Variants in CHRM3 observed in about 807,000 individuals in gnomAD.
The protein encoded by CHRM3 is muscarinic acetylcholine receptor M3.
Under a neutral mutation model 41.8 loss-of-function variants are expected in CHRM3, and 11 were observed. That is an observed-to-expected ratio of 0.26 (90% CI 0.17 to 0.44). The LOEUF is 0.44. Ranked by LOEUF, CHRM3 falls within the 20% of genes least tolerant of loss-of-function variation. CHRM3 has a pLI of 1.00. For synonymous variants in CHRM3, 297 were observed against 301.4 expected (o/e 0.99, Z 0.15); for missense variants, 571 against 745.4 (o/e 0.77, Z 2.72).
intron 5 of CHRM3, among the ~76,000 whole-genome samples, chr1:239,792,735 A>G (rs572980535): frequency 4.4e-4 from 67 of 152,348 alleles, no homozygotes; most frequent in African/African-American, 1.5e-3. Context: ...GTTCTTGCCA[A>G]GATCATTGAA....
chr1:239,848,910 A>G (rs1045243645), intron 6 of CHRM3, among the ~76,000 whole-genome samples: 6 of 152,296 alleles, frequency 3.9e-5, no homozygotes, highest in Non-Finnish European at 7.4e-5. Context: ...TCTTGGTCCT[A>G]TAGGATTAAA....
Position 239,890,295 on chromosome 1 carries a change from C to T in CHRM3, c.-19-17138C>T, listed in dbSNP as rs143528876. The stretch of plus-strand genomic sequence containing the variant: ...AGAGGAGGCAGAGGTTGTGGTGAGC[C>T]GAAATCATGCCATTGCACTCCAGCC... On this transcript the variant is annotated intron_variant, in intron 6 of 6. Coordinates refer to ENST00000676153, the MANE Select transcript of CHRM3 (RefSeq NM_001375978.1). Among the ~76,000 whole-genome samples, 287 of 151,212 alleles carry T rather than the reference C, an allele frequency of 1.9e-3. 1 individual carries two copies. Among genetic ancestry groups the T allele is most frequent in the African/African-American group, 6.6e-3 (270 of 41,148 alleles).
intron 6 of CHRM3, among the ~76,000 whole-genome samples, chr1:239,870,640 G>T (rs1013825790): frequency 6.6e-6 from 1 of 152,040 alleles, no homozygotes; most frequent in Non-Finnish European, 1.5e-5. Flanking sequence ...GGAAACAAAA[G>T]TACCTCCTCT....
At chr1:239,470,594 C>T (rs1251300314) in intron 1 of CHRM3, among the ~76,000 whole-genome samples, 1 of 152,134 alleles carries the variant, frequency 6.6e-6, no homozygotes, top group Non-Finnish European at 1.5e-5. Context: ...AGGAGGGAAC[C>T]AGTTAAACAA....
At chr1:239,764,932 G>A (rs1241105276) in intron 5 of CHRM3, among the ~76,000 whole-genome samples, 3 of 152,216 alleles carry the variant, frequency 2.0e-5, no homozygotes, top group African/African-American at 7.2e-5. Context: ...CAGTTGACTG[G>A]CCTCCACTGA....
intron 6 of CHRM3, among the ~76,000 whole-genome samples, chr1:239,857,249 A>G (rs1675194955): frequency 6.6e-6 from 1 of 152,184 alleles, no homozygotes; most frequent in Admixed American, 6.5e-5. Flanking sequence ...CTCAATATTT[A>G]TAAGGGAAAT....
intron 2 of CHRM3, among the ~76,000 whole-genome samples, chr1:239,494,150 A>C (rs1302891329): frequency 6.6e-6 from 1 of 152,186 alleles, no homozygotes; most frequent in African/African-American, 2.4e-5. Flanking sequence ...AGAAGTGGCA[A>C]CTTCTGGGTC....
chr1:239,785,189 A>G (rs576605633), intron 5 of CHRM3, among the ~76,000 whole-genome samples: 2 of 152,272 alleles, frequency 1.3e-5, no homozygotes, highest in African/African-American at 4.8e-5. Flanking sequence ...AAGCCTTCCA[A>G]CCACTGCAGT....
intron 6 of CHRM3, among the ~76,000 whole-genome samples, chr1:239,844,780 G>A (rs1286880787): frequency 2.6e-5 from 4 of 152,150 alleles, no homozygotes; most frequent in African/African-American, 9.7e-5. Context: ...TGAATTATTG[G>A]TGAGTAAGTG....
At chr1:239,502,274 A>G (rs538503661) in intron 2 of CHRM3, among the ~76,000 whole-genome samples, 2 of 152,316 alleles carry the variant, frequency 1.3e-5, no homozygotes, top group Non-Finnish European at 2.9e-5. Context: ...CCACAGAAAT[A>G]CAAAGCATCA....
At chr1:239,561,315 C>T (rs73120634) in intron 3 of CHRM3, among the ~76,000 whole-genome samples, 1,838 of 151,566 alleles carry the variant, frequency 0.012, 36 homozygotes, top group African/African-American at 0.042. Flanking sequence ...TTGTGGCTTG[C>T]GGAGCCCTGT....
intron 1 of CHRM3, among the ~76,000 whole-genome samples, chr1:239,439,078 AC>A (rs1392721914): frequency 6.6e-6 from 1 of 152,182 alleles, no homozygotes; most frequent in Non-Finnish European, 1.5e-5. Flanking sequence ...CTCTTGGCAT[AC>A]TTAGTGTGAA....
chr1:239,707,081 T>G (rs766336197), intron 5 of CHRM3: 1 of 152,202 alleles, frequency 6.6e-6, no homozygotes, highest in Non-Finnish European at 1.5e-5. Context: ...ATTTTCTGGG[T>G]AACTGTGGAC....
Position 239,785,427 on chromosome 1 carries a change from T to G in CHRM3, c.-146-41825T>G, listed in dbSNP as rs528418634. Among the ~76,000 whole-genome samples the G allele has an allele frequency of 7.2e-5, 11 of 152,286 alleles. No homozygotes were observed. The East Asian group carries it at 2.1e-3, about 29-fold the overall frequency. Reference sequence around the variant, plus strand: ...TTTTGGAATTTAGTTGTGATGAACATTTGAGGATTTAGAAATAGAAAAATA... The same window carrying G: ...TTTTGGAATTTAGTTGTGATGAACAGTTGAGGATTTAGAAATAGAAAAATA... On this transcript the variant is annotated intron_variant, in intron 5 of 6. Transcript: ENST00000676153.
chr1:239,519,860 G>A (rs1669518413), intron 2 of CHRM3, among the ~76,000 whole-genome samples: 1 of 142,886 alleles, frequency 7.0e-6, no homozygotes, highest in Admixed American at 7.5e-5. Context: ...CCATTCTCCT[G>A]CCTCAGCCTC....
intron 2 of CHRM3, among the ~76,000 whole-genome samples, chr1:239,517,420 C>T (rs1669345617): frequency 6.6e-6 from 1 of 152,358 alleles, no homozygotes; most frequent in Non-Finnish European, 1.5e-5. Flanking sequence ...AGCTGCCCGA[C>T]TTCTCAAACC....
intron 2 of CHRM3, among the ~76,000 whole-genome samples, chr1:239,515,488 A>G (rs1380760339): frequency 6.6e-6 from 1 of 151,798 alleles, no homozygotes; most frequent in African/African-American, 2.4e-5. Context: ...GAATTTCACA[A>G]TATTTATACT....
At chr1:239,809,609 C>CA (rs1670952504) in intron 5 of CHRM3, among the ~76,000 whole-genome samples, 1 of 151,964 alleles carries the variant, frequency 6.6e-6, no homozygotes, top group Non-Finnish European at 1.5e-5. Flanking sequence ...GTGATCCTCC[C>CA]ACTTCAGCCA....
chr1:239,669,189 C>A (rs950058549), intron 4 of CHRM3, among the ~76,000 whole-genome samples: 1 of 152,042 alleles, frequency 6.6e-6, no homozygotes, highest in Non-Finnish European at 1.5e-5. Context: ...CGAAGTTAGG[C>A]GAGATTTCTA....
Sources: allele counts gnomAD v4.1 joint callset (sites outside exome capture counted in the v4.1 genomes callset), GRCh38; gene constraint gnomAD v4.1.1; transcripts MANE v1.5; gene names NCBI Gene and HGNC (gene_info 2026-07-23, HGNC 2026-07-21).